ATXN8OS: variants seen among roughly 807,000 people sequenced by gnomAD.
ATXN8OS encodes the protein ATXN8 opposite strand (non-protein coding).
intron 3 of ATXN8OS, among the ~76,000 whole-genome samples, chr13:70,145,897 C>A (rs181045931): frequency 0.028 from 4,234 of 149,880 alleles, 106 homozygotes; most frequent in Middle Eastern, 0.08. Flanking sequence ...GCAACAAAAG[C>A]CAAAATTGAC....
At chr13:70,149,288 G>T (rs1398791183) in intron 4 of ATXN8OS, among the ~76,000 whole-genome samples, 1 of 152,008 alleles carries the variant, frequency 6.6e-6, no homozygotes, top group Non-Finnish European at 1.5e-5. Context: ...CAAAATCATA[G>T]ATTATATGGA....
chr13:70,162,468 G>A (rs1889020854), intron 4 of ATXN8OS, among the ~76,000 whole-genome samples: 1 of 152,002 alleles, frequency 6.6e-6, no homozygotes, highest in African/African-American at 2.4e-5. Flanking sequence ...ATTCTTCTGA[G>A]GCTCTTCTGT....
At chr13:70,138,758 A>G (rs1363156518) in intron 3 of ATXN8OS, among the ~76,000 whole-genome samples, 1 of 152,154 alleles carries the variant, frequency 6.6e-6, no homozygotes, top group African/African-American at 2.4e-5. Flanking sequence ...CTAAACAATT[A>G]TTAGTAATTA....
intron 2 of ATXN8OS, among the ~76,000 whole-genome samples, chr13:70,115,910 A>T (rs1297717074): frequency 6.6e-6 from 1 of 152,136 alleles, no homozygotes; most frequent in Non-Finnish European, 1.5e-5. Flanking sequence ...AGAAAAATTA[A>T]GCATATATTA....
At chr13:70,142,135 C>T (rs563153483) in intron 3 of ATXN8OS, among the ~76,000 whole-genome samples, 11 of 152,214 alleles carry the variant, frequency 7.2e-5, no homozygotes, top group South Asian at 2.1e-4. Flanking sequence ...CCACCTGCCT[C>T]GGCCTCCCAA....
intron 4 of ATXN8OS, among the ~76,000 whole-genome samples, chr13:70,163,231 T>C (rs1391125774): frequency 6.6e-6 from 1 of 152,058 alleles, no homozygotes; most frequent in Non-Finnish European, 1.5e-5. Flanking sequence ...CAATTACCAT[T>C]ATCATCTATT....
intron 4 of ATXN8OS, among the ~76,000 whole-genome samples, chr13:70,150,388 C>T (rs1888851391): frequency 6.6e-6 from 1 of 151,972 alleles, no homozygotes; most frequent in Admixed American, 6.6e-5. Context: ...ACAACAATTG[C>T]CTAGGAATAT....
chr13:70,148,263 T>C (rs931726709), intron 4 of ATXN8OS, among the ~76,000 whole-genome samples: 5 of 152,186 alleles, frequency 3.3e-5, no homozygotes, highest in African/African-American at 1.2e-4. Context: ...AAGATGGCTT[T>C]GCAGGGCCAT....
chr13:70,165,096 G>C (rs1364575521), intron 4 of ATXN8OS, among the ~76,000 whole-genome samples: 1 of 151,822 alleles, frequency 6.6e-6, no homozygotes. Context: ...AGTGGCTTAA[G>C]AAAGAAATTA....
At chr13:70,153,390 T>G (rs978083299) in intron 4 of ATXN8OS, among the ~76,000 whole-genome samples, 3 of 151,788 alleles carry the variant, frequency 2.0e-5, no homozygotes, top group Non-Finnish European at 2.9e-5. Context: ...CTGGCCAACA[T>G]AGTGAAATCC....
At chr13:70,165,795 A>C (rs1889069687) in intron 4 of ATXN8OS, among the ~76,000 whole-genome samples, 1 of 152,042 alleles carries the variant, frequency 6.6e-6, no homozygotes, top group Non-Finnish European at 1.5e-5. Context: ...GATATGTGGA[A>C]ATATTTAAAT....
rs573863456 is a variant in ATXN8OS, at chr13:70,143,951, A to T, written n.500-3404A>T. The stretch of plus-strand genomic sequence containing the variant: ...TTATTTACGAATTTTGTTTTTATGT[A>T]TAGCCAAAGCGGTATGTAAATTAAA... On this transcript the variant is annotated intron_variant and non_coding_transcript_variant, in intron 3 of 4. Coordinates refer to ENST00000678624, the Ensembl canonical transcript of ATXN8OS. Among the ~76,000 whole-genome samples, 20 of 152,240 alleles carry T rather than the reference A, an allele frequency of 1.3e-4. No homozygotes were observed. In the South Asian group the frequency reaches 4.1e-3, roughly 32 times the overall value.
chr13:70,170,795 G>A (rs796684254), exon 5 of ATXN8OS, among the ~76,000 whole-genome samples: 14 of 152,138 alleles, frequency 9.2e-5, no homozygotes, highest in Admixed American at 5.9e-4. Flanking sequence ...GTCAGTGTGG[G>A]AACATCACAG....
At chr13:70,156,409 C>A (rs1410126547) in intron 4 of ATXN8OS, among the ~76,000 whole-genome samples, 1 of 152,040 alleles carries the variant, frequency 6.6e-6, no homozygotes, top group Non-Finnish European at 1.5e-5. Flanking sequence ...ACACTATAAT[C>A]ATTTTACTTT....
At chr13:70,164,862 G>A (rs1372739690) in intron 4 of ATXN8OS, among the ~76,000 whole-genome samples, 4 of 151,878 alleles carry the variant, frequency 2.6e-5, no homozygotes, top group African/African-American at 7.3e-5. Flanking sequence ...TGCAATAACT[G>A]AAAATAAAAG....
chr13:70,134,788 T>C (rs933299856), intron 3 of ATXN8OS, among the ~76,000 whole-genome samples: 4 of 152,156 alleles, frequency 2.6e-5, no homozygotes, highest in African/African-American at 7.2e-5. Flanking sequence ...TGTACCAGAA[T>C]AGAAGGACTG....
Position 70,155,139 on chromosome 13 carries a change from T to C in ATXN8OS, n.573+7711T>C, listed in dbSNP as rs918384205. Among the ~76,000 whole-genome samples, 10 of 152,184 alleles carry C rather than the reference T, an allele frequency of 6.6e-5. 1 individual carries two copies. Among genetic ancestry groups the C allele is most frequent in the Admixed American group, 6.5e-5 (1 of 15,278 alleles). On this transcript the variant is annotated intron_variant and non_coding_transcript_variant, in intron 4 of 4. Coordinates refer to ENST00000678624, the Ensembl canonical transcript of ATXN8OS. ...CTGTTTCAACCCGAGGTCTCTCTCG[T>C]CCTCCTGAATCCTGCAACAGTACCT...
intron 4 of ATXN8OS, among the ~76,000 whole-genome samples, chr13:70,148,886 G>T (rs959830811): frequency 2.0e-5 from 3 of 152,030 alleles, no homozygotes; most frequent in African/African-American, 7.2e-5. Flanking sequence ...TTACAGCAGG[G>T]TATAGTTTTA....
At position 70,118,835 on chromosome 13, in the gene ATXN8OS, CTT is replaced by C. The variant is rs58934253; in HGVS notation, n.398+3550_398+3551del. 7.6e-3 allele frequency among the ~76,000 whole-genome samples: 1,095 copies of C among 144,910 alleles called. 7 individuals are homozygous for C. The highest frequency in any genetic ancestry group is 0.022 in the African/African-American group (889 of 39,646). On this transcript the variant is annotated intron_variant and non_coding_transcript_variant, in intron 2 of 4. Transcript: ENST00000678624. ...TCTGATATACTCTTACAGATATATACTTTTTTTTTTTTTTGAGACAGAGTTTA... is the reference window on the plus strand; with the variant it reads ...TCTGATATACTCTTACAGATATATACTTTTTTTTTTTTGAGACAGAGTTTA...
Sources: allele counts gnomAD v4.1 joint callset (sites outside exome capture counted in the v4.1 genomes callset), GRCh38; gene constraint gnomAD v4.1.1; transcripts MANE v1.5; gene names NCBI Gene and HGNC (gene_info 2026-07-23, HGNC 2026-07-21).